Variants in TMEM178A observed in about 807,000 individuals in gnomAD.
TMEM178A encodes transmembrane protein 178A, also known as transmembrane protein 178.
A neutral mutation model predicts 29.1 loss-of-function variants in TMEM178A; 12 were observed. The ratio of observed to expected loss-of-function variants is 0.41; its 90% confidence interval spans 0.26 to 0.67. TMEM178A has a LOEUF of 0.67. TMEM178A is among the 30% of genes least tolerant of loss of function. The probability of loss-of-function intolerance (pLI) is 0.29; values close to 1 mark genes in which losing one functional copy is unlikely to be tolerated. For missense variants in TMEM178A, 366 were observed against 419.1 expected (o/e 0.87, Z 1.11); for synonymous variants, 210 against 187.2 (o/e 1.12, Z -0.99).
chr2:39,677,417 C>T (rs564141289), intron 1 of TMEM178A, among the ~76,000 whole-genome samples: 1 of 152,198 alleles, frequency 6.6e-6, no homozygotes, highest in African/African-American at 2.4e-5. Flanking sequence ...TAACTTTGAA[C>T]AAGAAAATTA....
Position 39,704,170 on chromosome 2 carries a change from CA to C in TMEM178A, c.491del (p.Gln164ArgfsTer10). On this transcript the variant is annotated frameshift_variant, in exon 2 of 4. Transcript: ENST00000281961. LOFTEE classifies it high-confidence loss of function. ...TCCTTTTAATTTAACCAAGACCATACAGCAAGATGAGTGGCACCTGCTTCGT... is the reference window on the plus strand; with the variant it reads ...TCCTTTTAATTTAACCAAGACCATACGCAAGATGAGTGGCACCTGCTTCGT... Reference protein sequence around the residue: ...NIPFNLTKTIQQDEWHLLHLR... With the variant: ...NIPFNLTKTIXQDEWHLLHLR... The C allele has an allele frequency of 6.2e-7, 1 of 1,614,148 alleles. No individual in the cohort carries two copies. The highest frequency in any genetic ancestry group is 8.5e-7 in the Non-Finnish European group (1 of 1,179,984).
In TMEM178A at chr2:39,684,063, A is replaced by G. The variant is rs185944635; in HGVS notation, c.400+17689A>G. Reference sequence around the variant, plus strand: ...ATTGAACCAGCTGAAGAGTGCATGCATCTACCTAGTTCTGATCTGCTTCTG... The same window carrying G: ...ATTGAACCAGCTGAAGAGTGCATGCGTCTACCTAGTTCTGATCTGCTTCTG... On this transcript the variant is annotated intron_variant, in intron 1 of 3. Coordinates refer to ENST00000281961, the MANE Select transcript of TMEM178A (RefSeq NM_152390.3). Among the ~76,000 whole-genome samples, 3 of 152,330 alleles carry G rather than the reference A, an allele frequency of 2.0e-5. No homozygotes were observed. In the East Asian group the frequency reaches 5.8e-4, roughly 29 times the overall value.
At chr2:39,685,376 C>T (rs974901993) in intron 1 of TMEM178A, among the ~76,000 whole-genome samples, 1 of 152,170 alleles carries the variant, frequency 6.6e-6, no homozygotes, top group African/African-American at 2.4e-5. Context: ...GCTCAGGCAC[C>T]CTGTTCTATG....
chr2:39,699,636 T>G (rs1332616483), intron 1 of TMEM178A, among the ~76,000 whole-genome samples: 10 of 151,862 alleles, frequency 6.6e-5, no homozygotes, highest in Admixed American at 6.6e-4. Flanking sequence ...TTGTTTATTT[T>G]TTTAGAGACA....
chr2:39,707,751 C>G (rs1194650889), intron 3 of TMEM178A, among the ~76,000 whole-genome samples: 1 of 152,208 alleles, frequency 6.6e-6, no homozygotes, highest in African/African-American at 2.4e-5. Flanking sequence ...CAGGCAAGAG[C>G]CACCACACCC....
At chr2:39,730,451 C>A in the TMEM178A span, among the ~76,000 whole-genome samples, 5 of 152,136 alleles carry the variant, frequency 3.3e-5, no homozygotes, top group Admixed American at 2.0e-4. Flanking sequence ...AAGTTTCCCA[C>A]GTGCAGGGCA....
At chr2:39,704,034 G>A (rs1246772846) in intron 1 of TMEM178A, 47 bp from the exon 2 acceptor site, 1 of 1,552,264 alleles carries the variant, frequency 6.4e-7, no homozygotes, top group African/African-American at 1.4e-5. Context: ...TCAGAATTCT[G>A]TTACAAATAA....
Position 39,704,165 on chromosome 2 carries a change from C to T in TMEM178A, c.485C>T (p.Thr162Ile), listed in dbSNP as rs1472774933. 2 of 1,613,962 alleles carry T rather than the reference C, an allele frequency of 1.2e-6. No individual in the cohort carries two copies. The highest frequency in any genetic ancestry group is 1.7e-6 in the Non-Finnish European group (2 of 1,180,006). The change falls in exon 2 of 4, where the codon ACC (threonine) becomes ATC (isoleucine). Residue 162 changes from threonine to isoleucine, a missense_variant. By Grantham distance (89) the Thr-to-Ile change is moderately conservative. Around this residue, in one of 2 missense-constraint regions of TMEM178A, gnomAD observed 247 missense variants for 246.8 expected, o/e 1.00. Transcript: ENST00000281961. ...LRNIPFNLTK[T>I]IQQDEWHLLH... is the part of the protein sequence containing the mutation. ...AACATTCCTTTTAATTTAACCAAGA[C>T]CATACAGCAAGATGAGTGGCACCTG...
At position 39,717,573 on chromosome 2, in the gene TMEM178A, A is replaced by G; in HGVS notation, c.*322A>G. Reference sequence around the variant, plus strand: ...CATTTATTTCAGAAAGTTTGTATGTAACAATTACCCGAGAGTCATTTCTAC... The same window carrying G: ...CATTTATTTCAGAAAGTTTGTATGTGACAATTACCCGAGAGTCATTTCTAC... On this transcript the variant is annotated 3_prime_UTR_variant, in exon 4 of 4. Transcript: ENST00000281961. 1 of 222,190 alleles carries G rather than the reference A, an allele frequency of 4.5e-6. No homozygotes were observed. Among genetic ancestry groups the G allele is most frequent in the African/African-American group, 2.3e-5 (1 of 44,220 alleles). The allele number at this position is 222,190 out of a possible 1,614,324, so 13.8% of individuals were successfully genotyped here. A position where few individuals can be genotyped will look rare whatever the true frequency, so the allele number is the denominator to read the frequency against.
chr2:39,687,793 T>G (rs540658665), intron 1 of TMEM178A, among the ~76,000 whole-genome samples: 2 of 152,260 alleles, frequency 1.3e-5, no homozygotes, highest in Non-Finnish European at 2.9e-5. Flanking sequence ...GCCTGCCTGC[T>G]CTGTCCTTGT....
the TMEM178A span, among the ~76,000 whole-genome samples, chr2:39,732,841 G>C: frequency 6.6e-6 from 1 of 152,196 alleles, no homozygotes; most frequent in African/African-American, 2.4e-5. Flanking sequence ...CAGTAAATGA[G>C]TCAGAGCAGC....
At chr2:39,677,016 A>C (rs1270550963) in intron 1 of TMEM178A, among the ~76,000 whole-genome samples, 1 of 152,146 alleles carries the variant, frequency 6.6e-6, no homozygotes, top group Non-Finnish European at 1.5e-5. Flanking sequence ...TTGAAGGTAA[A>C]TGTTCAAAAT....
chr2:39,671,890 A>G (rs1572645491), intron 1 of TMEM178A, among the ~76,000 whole-genome samples: 1 of 152,320 alleles, frequency 6.6e-6, no homozygotes, highest in East Asian at 1.9e-4. Flanking sequence ...CATGGCGGGT[A>G]TCCCAGTGCG....
intron 3 of TMEM178A, among the ~76,000 whole-genome samples, chr2:39,710,271 A>G (rs2148112878): frequency 6.6e-6 from 1 of 152,364 alleles, no homozygotes; most frequent in South Asian, 2.1e-4. Flanking sequence ...GGACTAACAG[A>G]TACAACCTAA....
intron 1 of TMEM178A, among the ~76,000 whole-genome samples, chr2:39,667,715 C>T (rs1031636185): frequency 2.6e-5 from 4 of 152,194 alleles, no homozygotes; most frequent in African/African-American, 9.7e-5. Context: ...GGACTGCCAT[C>T]CAAAATCTGT....
At chr2:39,679,556 T>A (rs1268694130) in intron 1 of TMEM178A, among the ~76,000 whole-genome samples, 2 of 152,126 alleles carry the variant, frequency 1.3e-5, no homozygotes, top group Non-Finnish European at 2.9e-5. Flanking sequence ...AGAAGGATTA[T>A]ATCATTATGT....
At chr2:39,720,878 T>G (rs1185808335), downstream of TMEM178A, among the ~76,000 whole-genome samples, 1 of 152,166 alleles carries the variant, frequency 6.6e-6, no homozygotes, top group Non-Finnish European at 1.5e-5. Context: ...ATTAGAATAA[T>G]TAAAGGGACT....
chr2:39,692,040 T>C (rs2148079662), intron 1 of TMEM178A, among the ~76,000 whole-genome samples: 1 of 152,300 alleles, frequency 6.6e-6, no homozygotes, highest in East Asian at 1.9e-4. Context: ...GACATTATGC[T>C]AAGTGAAATA....
the TMEM178A span, among the ~76,000 whole-genome samples, chr2:39,723,223 G>A: frequency 6.6e-6 from 1 of 152,126 alleles, no homozygotes; most frequent in African/African-American, 2.4e-5. Context: ...ACTCAGCTGT[G>A]GCTTCAGTGG....
Sources: allele counts gnomAD v4.1 joint callset (sites outside exome capture counted in the v4.1 genomes callset), GRCh38; gene constraint gnomAD v4.1.1; regional missense constraint gnomAD v4.1.1; transcripts MANE v1.5; gene names NCBI Gene and HGNC (gene_info 2026-07-23, HGNC 2026-07-21).